Variants in PTPRC observed in about 807,000 individuals in gnomAD.
PTPRC encodes receptor-type tyrosine-protein phosphatase C.
A neutral mutation model predicts 155.9 loss-of-function variants in PTPRC; 44 were observed. The ratio of observed to expected loss-of-function variants is 0.28; its 90% CI spans 0.22 to 0.36. The LOEUF (loss-of-function observed/expected upper bound fraction) is 0.36, where lower values mean the gene tolerates loss of function less well. PTPRC is among the 10% of genes least tolerant of loss of function. PTPRC has a pLI of 1.00. For synonymous variants in PTPRC, 525 were observed against 533.1 expected, an observed-to-expected ratio of 0.98 and a Z score of 0.21; for missense variants, 1,401 against 1,564.6, an observed-to-expected ratio of 0.90 and a Z score of 1.76.
In PTPRC at chr1:198,744,076, A is replaced by G. The variant is rs1655030780; in HGVS notation, c.2720A>G (p.Gln907Arg). The change falls in exon 26 of 33, where the codon CAG becomes CGG. Residue 907 changes from glutamine to arginine, a missense_variant. Transcript: ENST00000442510. ...QVEAQYILIH[Q>R]ALVEYNQFGE... ...TAGGCCCAGTACATCTTGATCCATC[A>G]GGCTTTGGTGGAATACAATCAGTTT... 3 of 1,605,400 alleles carry G rather than the reference A, an allele frequency of 1.9e-6. No individual in the cohort carries two copies. Among genetic ancestry groups the G allele is most frequent in the Non-Finnish European group, 2.6e-6 (3 of 1,173,028 alleles).
At chr1:198,657,910 T>C (rs1663690285) in intron 2 of PTPRC, 1 of 152,172 alleles carries the variant, frequency 6.6e-6, no homozygotes, top group Non-Finnish European at 1.5e-5. Context: ...TGGCATCTCT[T>C]CCACAGACAA....
intron 26 of PTPRC, among the ~76,000 whole-genome samples, chr1:198,747,901 G>C (rs910909067): frequency 6.6e-6 from 1 of 151,686 alleles, no homozygotes; most frequent in Non-Finnish European, 1.5e-5. Context: ...TATATCTTTA[G>C]TGCATACTAG....
rs1420709276 is a variant in PTPRC at position 198,756,542 on chromosome 1, G to GA, written c.*367dup. The GA allele has an allele frequency of 9.9e-6, 2 of 201,328 alleles. No individual in the cohort carries two copies. The highest frequency in any genetic ancestry group is 1.3e-4 in the East Asian group (1 of 7,520). The allele number at this position is 201,328 out of a possible 1,614,324, so 12.5% of individuals were successfully genotyped here. On this transcript the variant is annotated 3_prime_UTR_variant, in exon 33 of 33. Transcript: ENST00000442510. ...TTTGCTTTTCCTTTGTTTTTATGAA[G>GA]AAAAAATACATTTTATATTAGAAGT... is the stretch of plus-strand genomic sequence containing the variant.
chr1:198,733,087 C>T (rs369905146), intron 20 of PTPRC, among the ~76,000 whole-genome samples: 6 of 151,482 alleles, frequency 4.0e-5, no homozygotes, highest in East Asian at 1.9e-4. Flanking sequence ...TGTAAATGTC[C>T]GTACGTGGTT....
chr1:198,737,875 T>C (rs1309301979), intron 23 of PTPRC, among the ~76,000 whole-genome samples: 1 of 151,736 alleles, frequency 6.6e-6, no homozygotes, highest in Non-Finnish European at 1.5e-5. Context: ...GATCTTTCAC[T>C]TCTTTGGTTA....
chr1:198,744,220 CAAT>C lies in PTPRC; in HGVS notation c.2847+27_2847+29del. ...GAATTCCAGGTAATGATAGTGACAA[CAAT>C]AATAATAATTACAGATAACTTTTAT... On this transcript the variant is annotated intron_variant, in intron 26 of 32. Transcript: ENST00000442510. 1 of 1,587,588 alleles carries C rather than the reference CAAT, an allele frequency of 6.3e-7. No individual in the cohort carries two copies. The highest frequency in any genetic ancestry group is 8.6e-7 in the Non-Finnish European group (1 of 1,158,676).
At chr1:198,661,321 AAAT>A (rs1282808910) in intron 2 of PTPRC, among the ~76,000 whole-genome samples, 2 of 149,562 alleles carry the variant, frequency 1.3e-5, no homozygotes, top group Non-Finnish European at 1.5e-5. Flanking sequence ...ATTATTTATT[AAAT>A]AATAATAAAT....
chr1:198,708,348 C>G, intron 10 of PTPRC, 87 bp downstream of exon 10: 3 of 1,291,352 alleles, frequency 2.3e-6, no homozygotes, highest in African/African-American at 1.5e-5. Context: ...TGCCCTTTCT[C>G]TCTTCCTCCC....
At chr1:198,744,886 T>C (rs1240787175) in intron 26 of PTPRC, among the ~76,000 whole-genome samples, 1 of 151,728 alleles carries the variant, frequency 6.6e-6, no homozygotes, top group Non-Finnish European at 1.5e-5. Flanking sequence ...TGCAGAACCA[T>C]TTAATGTTTA....
chr1:198,737,427 A>G (rs1654699726), intron 23 of PTPRC, among the ~76,000 whole-genome samples: 1 of 151,776 alleles, frequency 6.6e-6, no homozygotes, highest in Non-Finnish European at 1.5e-5. Context: ...CAGTTTTCAC[A>G]GTACAATCTA....
rs749680449 is a variant in PTPRC at position 198,757,035 on chromosome 1, T to C, written c.*854T>C. On this transcript the variant is annotated 3_prime_UTR_variant, in exon 33 of 33. Transcript: ENST00000442510. ...GCAATATGTATTAATATTCATTGTA[T>C]AAAAATAGAAGAATACAAACATATT... is the stretch of plus-strand genomic sequence containing the variant. The C allele has an allele frequency of 6.6e-6, 1 of 151,924 alleles. No homozygotes were observed. The highest frequency in any genetic ancestry group is 1.5e-5 in the Non-Finnish European group (1 of 67,860). 9.4% of individuals were successfully genotyped at this position (151,924 alleles called of 1,614,324 possible).
intron 17 of PTPRC, among the ~76,000 whole-genome samples, chr1:198,730,459 C>A (rs1234355965): frequency 1.3e-5 from 2 of 151,940 alleles, no homozygotes; most frequent in African/African-American, 4.8e-5. Context: ...ATGCCCAGTA[C>A]CAAAGTGAGT....
intron 15 of PTPRC, among the ~76,000 whole-genome samples, chr1:198,726,826 A>G (rs947480083): frequency 6.8e-6 from 1 of 146,932 alleles, no homozygotes; most frequent in African/African-American, 2.5e-5. Flanking sequence ...TAATTATTTC[A>G]TTTGTTCACT....
At chr1:198,680,173 A>T in intron 2 of PTPRC, 1 of 380,954 alleles carries the variant, frequency 2.6e-6, no homozygotes, top group Non-Finnish European at 4.7e-6. Context: ...AATATTATTA[A>T]AGGCTTCACA....
intron 9 of PTPRC, among the ~76,000 whole-genome samples, chr1:198,707,429 G>A (rs769536577): frequency 5.7e-4 from 86 of 152,140 alleles, no homozygotes; most frequent in Non-Finnish European, 2.1e-4. Context: ...GGTTTTGTCA[G>A]CTAAGCTACT....
intron 2 of PTPRC, among the ~76,000 whole-genome samples, chr1:198,665,333 C>T (rs1018177538): frequency 3.3e-5 from 5 of 151,188 alleles, no homozygotes; most frequent in Admixed American, 3.3e-4. Flanking sequence ...CAATTTAATA[C>T]ATGAGTTAAA....
intron 2 of PTPRC, among the ~76,000 whole-genome samples, chr1:198,677,705 C>T (rs1170323165): frequency 6.6e-6 from 1 of 152,068 alleles, no homozygotes; most frequent in Non-Finnish European, 1.5e-5. Flanking sequence ...TCAAATTTTT[C>T]TCAGCTACTC....
intron 26 of PTPRC, 74 bp downstream of exon 26, chr1:198,744,277 C>T: frequency 7.1e-7 from 1 of 1,416,618 alleles, no homozygotes; most frequent in South Asian, 1.2e-5. Flanking sequence ...TAGGTGTTTG[C>T]TATGCACTTG....
intron 9 of PTPRC, among the ~76,000 whole-genome samples, chr1:198,707,844 G>A (rs879877444): frequency 8.5e-5 from 13 of 152,088 alleles, no homozygotes; most frequent in Admixed American, 2.0e-4. Flanking sequence ...TAAAATGTGC[G>A]AAAGCTACAA....
Sources: allele counts gnomAD v4.1 joint callset (sites outside exome capture counted in the v4.1 genomes callset), GRCh38; gene constraint gnomAD v4.1.1; transcripts MANE v1.5; gene names NCBI Gene and HGNC (gene_info 2026-07-23, HGNC 2026-07-21).